The following SFMBT2 variants were observed in gnomAD, a reference collection of about 807,000 sequenced individuals.
SFMBT2 encodes Scm like with four mbt domains 2.
In SFMBT2, 38 loss-of-function variants were observed where a neutral mutation model predicts 110.1. The ratio of observed to expected loss-of-function variants is 0.35; its 90% CI spans 0.27 to 0.45. The LOEUF (loss-of-function observed/expected upper bound fraction) is 0.45, where lower values mean the gene tolerates loss of function less well. Ranked by LOEUF, SFMBT2 falls within the 20% of genes least tolerant of loss-of-function variation. The pLI, the probability that SFMBT2 is intolerant of heterozygous loss-of-function variation, is 1.00. For synonymous variants in SFMBT2, 425 were observed against 425.4 expected (o/e 1.00, Z 0.01); for missense variants, 1,011 against 1,094.9 (o/e 0.92, Z 1.08).
chr10:7,369,759 A>G (rs182326059), intron 3 of SFMBT2, among the ~76,000 whole-genome samples: 3 of 152,330 alleles, frequency 2.0e-5, no homozygotes, highest in Non-Finnish European at 2.9e-5. Flanking sequence ...TACTTACTCA[A>G]GCTGACCCTA....
intron 4 of SFMBT2, among the ~76,000 whole-genome samples, chr10:7,335,582 AACACACACACACACACACACACAC>A (rs3065781): frequency 1.4e-5 from 2 of 142,884 alleles, no homozygotes; most frequent in Non-Finnish European, 3.0e-5. Context: ...CAGAAACAGA[AACACACACACACACACACACACAC>A]ACACACACAC....
chr10:7,246,213 G>C, intron 8 of SFMBT2: 1 of 968,700 alleles, frequency 1.0e-6, no homozygotes. Context: ...AAATAAAAAG[G>C]AAAACACAGT....
intron 15 of SFMBT2, among the ~76,000 whole-genome samples, chr10:7,191,861 T>A (rs1048439303): frequency 6.6e-6 from 1 of 152,216 alleles, no homozygotes; most frequent in African/African-American, 2.4e-5. Context: ...TCTGTTCATC[T>A]AAAAATTAAC....
At chr10:7,411,065 CTTTTTT>C (rs766788794), upstream of SFMBT2, among the ~76,000 whole-genome samples, 5 of 53,912 alleles carry the variant, frequency 9.3e-5, no homozygotes, top group East Asian at 6.0e-4. Context: ...GCTCGGCGCT[CTTTTTT>C]TTTTTTTTTT....
intron 1 of SFMBT2, 103 bp from the exon 2 acceptor site, chr10:7,382,052 C>T (rs1039732764): frequency 2.8e-5 from 15 of 542,042 alleles, no homozygotes; most frequent in Non-Finnish European, 3.7e-5. Context: ...GTGCCACTAC[C>T]ATTTCATTAT....
chr10:7,328,808 G>T (rs891886749), intron 4 of SFMBT2, among the ~76,000 whole-genome samples: 1 of 152,044 alleles, frequency 6.6e-6, no homozygotes, highest in African/African-American at 2.4e-5. Flanking sequence ...AAATACATTT[G>T]TACCAAAAAA....
chr10:7,179,795 C>T (rs1838192565), intron 16 of SFMBT2, among the ~76,000 whole-genome samples: 1 of 152,172 alleles, frequency 6.6e-6, no homozygotes, highest in Non-Finnish European at 1.5e-5. Context: ...ACCAGGCTGG[C>T]TTAATTTTCT....
chr10:7,324,034 T>G (rs190696189), intron 4 of SFMBT2, among the ~76,000 whole-genome samples: 5 of 152,358 alleles, frequency 3.3e-5, no homozygotes. Context: ...CAAAAACTGT[T>G]ATAAAGCAGT....
intron 4 of SFMBT2, among the ~76,000 whole-genome samples, chr10:7,288,999 A>G (rs1411278496): frequency 6.6e-6 from 1 of 152,020 alleles, no homozygotes; most frequent in Non-Finnish European, 1.5e-5. Flanking sequence ...TCTCAGAAAA[A>G]AAAAAAAAAA....
intron 4 of SFMBT2, chr10:7,329,595 A>G: frequency 6.8e-6 from 5 of 737,508 alleles, no homozygotes; most frequent in Non-Finnish European, 8.3e-6. Context: ...GCTGATGCTC[A>G]CAGATTCCTC....
At chr10:7,374,790 A>G (rs1845155594) in intron 2 of SFMBT2, among the ~76,000 whole-genome samples, 1 of 152,244 alleles carries the variant, frequency 6.6e-6, no homozygotes, top group Admixed American at 6.5e-5. Context: ...TGTGCGTTAT[A>G]ACAAAGTCAA....
chr10:7,212,970 T>A (rs1839400403), intron 11 of SFMBT2, among the ~76,000 whole-genome samples: 1 of 151,858 alleles, frequency 6.6e-6, no homozygotes, highest in Admixed American at 6.6e-5. Context: ...CTCAGCAAAC[T>A]AACACAGGAA....
In SFMBT2 at chr10:7,176,128, C is replaced by T. The variant is rs145294864; in HGVS notation, c.1846G>A (p.Val616Ile). The change falls in exon 17 of 21, where the codon GTA (valine) becomes ATA (isoleucine). Residue 616 changes from valine to isoleucine, a missense_variant. This residue lies in a region of SFMBT2 where 979 missense variants were observed against 1,016.1 expected (regional missense o/e 0.96). Transcript: ENST00000397167. The stretch of plus-strand genomic sequence containing the variant: ...TTTGCGACTTGGTCAGATGTCCGTA[C>T]GATTTTGACCACAGCCCTGTATGTT... ...GKTYRAVVKI[V>I]RTSDQVANFC... 8.6e-5 allele frequency: 139 copies of T among 1,614,038 alleles called. 1 individual carries two copies. Among genetic ancestry groups the T allele is most frequent in the Middle Eastern group, 4.9e-4 (3 of 6,084 alleles).
chr10:7,329,516 C>A (rs1213794361), intron 4 of SFMBT2: 1 of 984,758 alleles, frequency 1.0e-6, no homozygotes, highest in African/African-American at 1.7e-5. Context: ...AGAGGAGGTG[C>A]TGCTGCTGCT....
At chr10:7,247,301 G>C (rs575535723) in intron 8 of SFMBT2, among the ~76,000 whole-genome samples, 1 of 152,212 alleles carries the variant, frequency 6.6e-6, no homozygotes, top group African/African-American at 2.4e-5. Context: ...ATTTTTAGTA[G>C]AGACGGGGTT....
At chr10:7,262,184 C>A (rs12266080) in intron 7 of SFMBT2, among the ~76,000 whole-genome samples, 1 of 151,396 alleles carries the variant, frequency 6.6e-6, no homozygotes. Flanking sequence ...AAAGGCACTA[C>A]GGGGCTTAAA....
intron 4 of SFMBT2, among the ~76,000 whole-genome samples, chr10:7,351,686 CAG>C (rs1335411333): frequency 6.6e-6 from 1 of 152,080 alleles, no homozygotes. Context: ...TCTGAGCTCA[CAG>C]GGGGTAAAAA....
intron 9 of SFMBT2, among the ~76,000 whole-genome samples, chr10:7,231,170 C>G (rs532450921): frequency 6.8e-4 from 103 of 152,294 alleles, no homozygotes; most frequent in African/African-American, 2.4e-3. Flanking sequence ...AGAAGACTCA[C>G]GACTCCATCT....
intron 9 of SFMBT2, among the ~76,000 whole-genome samples, chr10:7,239,784 G>C (rs939959841): frequency 6.6e-6 from 1 of 152,128 alleles, no homozygotes; most frequent in African/African-American, 2.4e-5. Context: ...GAATTACTAA[G>C]AAGGAGGAAC....
Sources: allele counts gnomAD v4.1 joint callset (sites outside exome capture counted in the v4.1 genomes callset), GRCh38; gene constraint gnomAD v4.1.1; regional missense constraint gnomAD v4.1.1; transcripts MANE v1.5; gene names NCBI Gene and HGNC (gene_info 2026-07-23, HGNC 2026-07-21).